EPHB2: variants seen among roughly 807,000 people sequenced by gnomAD.
The protein encoded by EPHB2 is EPH receptor B2.
In EPHB2, 18 loss-of-function variants were observed where a neutral mutation model predicts 96.4. That is an observed-to-expected ratio of 0.19 (90% CI 0.13 to 0.28). The LOEUF is 0.28. EPHB2 is among the 10% of genes least tolerant of loss of function. The probability of loss-of-function intolerance (pLI) is 1.00; values close to 1 mark genes in which losing one functional copy is unlikely to be tolerated. For synonymous variants in EPHB2, 506 were observed against 534.1 expected, an observed-to-expected ratio of 0.95 and a Z score of 0.72; for missense variants, 989 against 1,355.4, an observed-to-expected ratio of 0.73 and a Z score of 4.25.
At position 22,906,905 on chromosome 1, in the gene EPHB2, T is replaced by G. The variant is rs1639935057; in HGVS notation, c.2084T>G (p.Val695Gly). The G allele has an allele frequency of 1.2e-6, 2 of 1,614,038 alleles. No homozygotes were observed. The highest frequency in any genetic ancestry group is 1.7e-6 in the Non-Finnish European group (2 of 1,179,956). The change falls in exon 11 of 16, where the codon GTG becomes GGG. Residue 695 changes from valine (V) to glycine (G), a missense_variant. Coordinates refer to ENST00000374630, the MANE Select transcript of EPHB2 (RefSeq NM_017449.5). This position sits in a 1 kb window ranked among gnomAD's most constrained non-coding sequence, Gnocchi z 4.8. ...GGTGTCGTGACCAAGAGCACACCTGTGATGATCATCACCGAGTTCATGGAG... is the reference window on the plus strand; with the variant it reads ...GGTGTCGTGACCAAGAGCACACCTGGGATGATCATCACCGAGTTCATGGAG... ...LEGVVTKSTP[V>G]MIITEFMENG...
chr1:22,718,521 G>A (rs981077356), intron 1 of EPHB2, among the ~76,000 whole-genome samples: 2 of 151,732 alleles, frequency 1.3e-5, no homozygotes, highest in Non-Finnish European at 2.9e-5. Flanking sequence ...TGAGTAGCTG[G>A]GATTACAGAT....
chr1:22,902,719 C>T lies in EPHB2; in HGVS notation c.1766-3268C>T, dbSNP rs76825701. Among the ~76,000 whole-genome samples the T allele has an allele frequency of 5.7e-3, 863 of 152,306 alleles. 7 individuals carry two copies. The highest frequency in any genetic ancestry group is 0.019 in the African/African-American group (799 of 41,568). On this transcript the variant is annotated intron_variant, in intron 9 of 15. Transcript: ENST00000374630. ...GGGAAAAGGGTAAACTAAGCCCTCA[C>T]GGGCAGCAGAGTCTTCCAGAAAGGA...
intron 1 of EPHB2, among the ~76,000 whole-genome samples, chr1:22,726,069 C>T (rs1173343501): frequency 6.6e-6 from 1 of 152,200 alleles, no homozygotes; most frequent in Non-Finnish European, 1.5e-5. Context: ...ATCTGTCCAT[C>T]CATTCAGCAA....
At position 22,882,448 on chromosome 1, in the gene EPHB2, G is replaced by A. The variant is rs371215652; in HGVS notation, c.1393G>A (p.Val465Met). 2.5e-5 allele frequency: 41 copies of A among 1,614,080 alleles called. No individual in the cohort carries two copies. The highest frequency in any genetic ancestry group is 5.0e-5 in the Admixed American group (3 of 60,014). ...GTCCCAGCCGGACCAGCCCAATGGC[G>A]TGATCCTGGACTATGAGCTGCAGTA... ...SWSQPDQPNG[V>M]ILDYELQYYE... The change falls in exon 6 of 16, where the codon GTG becomes ATG. Residue 465 changes from valine to methionine, a missense_variant. Coordinates refer to ENST00000374630, the MANE Select transcript of EPHB2 (RefSeq NM_017449.5).
rs976839110 is a variant in EPHB2, at chr1:22,914,368, T to G, written c.*798T>G. ...GCAGCCTGGCCCTCCTGGTGCCCAC[T>G]CCCGCCAGCCCCTGCCTCGAGGACT... On this transcript the variant is annotated 3_prime_UTR_variant, in exon 16 of 16. Transcript: ENST00000374630. 6.2e-6 allele frequency: 1 copy of G among 160,642 alleles called. No individual in the cohort carries two copies. Among genetic ancestry groups the G allele is most frequent in the Non-Finnish European group, 1.4e-5 (1 of 72,536 alleles). The allele number at this position is 160,642 out of a possible 1,614,324, so 10.0% of individuals were successfully genotyped here.
chr1:22,793,527 TA>T (rs1644725679), intron 3 of EPHB2, among the ~76,000 whole-genome samples: 1 of 152,166 alleles, frequency 6.6e-6, no homozygotes, highest in South Asian at 2.1e-4. Flanking sequence ...TTTTTCTTTT[TA>T]AACCCTAGCC....
intron 1 of EPHB2, among the ~76,000 whole-genome samples, chr1:22,736,124 G>A (rs556537600): frequency 3.3e-5 from 5 of 152,300 alleles, no homozygotes; most frequent in South Asian, 2.1e-4. Flanking sequence ...AAAGATGATC[G>A]TAGTGGTCAT....
At chr1:22,779,523 A>T (rs989687208) in intron 1 of EPHB2, among the ~76,000 whole-genome samples, 23 of 152,164 alleles carry the variant, frequency 1.5e-4, no homozygotes, top group African/African-American at 4.3e-4. Context: ...CATAGTTCAA[A>T]CCCTAATTAT....
intron 3 of EPHB2, among the ~76,000 whole-genome samples, chr1:22,804,034 T>C (rs1644888804): frequency 6.6e-6 from 1 of 152,094 alleles, no homozygotes; most frequent in South Asian, 2.1e-4. Flanking sequence ...TCTTCACCAA[T>C]CCCTGGGAGC....
intron 1 of EPHB2, among the ~76,000 whole-genome samples, chr1:22,751,283 G>A (rs1429493130): frequency 1.3e-5 from 2 of 152,104 alleles, no homozygotes; most frequent in African/African-American, 2.4e-5. Context: ...TGCCACCCAC[G>A]CCCATCTGCT....
intron 1 of EPHB2, among the ~76,000 whole-genome samples, chr1:22,773,411 C>G (rs552274445): frequency 2.6e-4 from 39 of 152,216 alleles, no homozygotes; most frequent in Non-Finnish European, 4.3e-4. Flanking sequence ...CAGCCCCAGA[C>G]AGGGTGCAAC....
chr1:22,810,455 T>C (rs1055504185), intron 3 of EPHB2, among the ~76,000 whole-genome samples: 3 of 152,178 alleles, frequency 2.0e-5, no homozygotes, highest in African/African-American at 7.2e-5. Flanking sequence ...CATTGGGCCA[T>C]TACTAACTCA....
chr1:22,835,306 G>A (rs1387255757), intron 3 of EPHB2, among the ~76,000 whole-genome samples: 1 of 151,908 alleles, frequency 6.6e-6, no homozygotes, highest in Non-Finnish European at 1.5e-5. Context: ...CTTGAGCCTG[G>A]GAGATCAATG....
chr1:22,898,151 AAAAG>A (rs1420514743), intron 9 of EPHB2, among the ~76,000 whole-genome samples: 3 of 152,034 alleles, frequency 2.0e-5, no homozygotes, highest in South Asian at 2.1e-4. Flanking sequence ...AAAAAAGAAG[AAAAG>A]AAAGAAAGAA....
intron 3 of EPHB2, among the ~76,000 whole-genome samples, chr1:22,791,199 A>G (rs1246286286): frequency 1.3e-5 from 2 of 151,820 alleles, no homozygotes; most frequent in African/African-American, 2.4e-5. Context: ...TTTCCTGGTG[A>G]GCTTTTTATT....
intron 1 of EPHB2, among the ~76,000 whole-genome samples, chr1:22,780,728 T>A (rs762955962): frequency 2.0e-5 from 3 of 152,084 alleles, no homozygotes; most frequent in African/African-American, 7.2e-5. Flanking sequence ...TCCAGTAGAC[T>A]CCAGGTTTAG....
At chr1:22,767,813 T>C (rs149280197) in intron 1 of EPHB2, among the ~76,000 whole-genome samples, 71 of 152,336 alleles carry the variant, frequency 4.7e-4, no homozygotes, top group African/African-American at 1.6e-3. Flanking sequence ...TAGCTGGCAT[T>C]GCCTCTCAGG....
chr1:22,857,179 T>G (rs1470078217), intron 3 of EPHB2, among the ~76,000 whole-genome samples: 1 of 152,198 alleles, frequency 6.6e-6, no homozygotes, highest in African/African-American at 2.4e-5. Context: ...CAGGGTTTAA[T>G]GATCTCAAGT....
intron 3 of EPHB2, among the ~76,000 whole-genome samples, chr1:22,810,635 G>T (rs1177166198): frequency 6.6e-6 from 1 of 152,186 alleles, no homozygotes; most frequent in Non-Finnish European, 1.5e-5. Context: ...GATCAGGGCA[G>T]GGGGTGCAGG....
Sources: allele counts gnomAD v4.1 joint callset (sites outside exome capture counted in the v4.1 genomes callset), GRCh38; gene constraint gnomAD v4.1.1; non-coding constraint Gnocchi (gnomAD v3.1); transcripts MANE v1.5; gene names NCBI Gene and HGNC (gene_info 2026-07-23, HGNC 2026-07-21).